The following RHBDF2 variants were observed in gnomAD, a reference collection of about 807,000 sequenced individuals.
RHBDF2 encodes inactive rhomboid protein 2.
RHBDF2 carries 38 observed loss-of-function variants against 95.2 expected under a neutral mutation model. That is an observed-to-expected ratio of 0.40 (90% CI 0.31 to 0.52). The LOEUF is 0.52. Ranked by LOEUF, RHBDF2 falls within the 20% of genes least tolerant of loss-of-function variation. The pLI is 0.56. For synonymous variants in RHBDF2, 442 were observed against 462.0 expected, an observed-to-expected ratio of 0.96 and a Z score of 0.55; for missense variants, 863 against 1,137.7, an observed-to-expected ratio of 0.76 and a Z score of 3.47.
chr17:76,491,507 C>T (rs1465182179), intron 1 of RHBDF2, among the ~76,000 whole-genome samples: 4 of 152,212 alleles, frequency 2.6e-5, no homozygotes, highest in African/African-American at 7.2e-5. Flanking sequence ...GCATGTCTTC[C>T]TGGGCAGGAG....
intron 1 of RHBDF2, among the ~76,000 whole-genome samples, chr17:76,495,186 C>T (rs904353619): frequency 2.0e-5 from 3 of 152,192 alleles, no homozygotes; most frequent in Non-Finnish European, 4.4e-5. Context: ...GGTGGTCCAG[C>T]ACAAGCCCAG....
At chr17:76,493,391 C>A (rs1460940629) in intron 1 of RHBDF2, among the ~76,000 whole-genome samples, 1 of 152,168 alleles carries the variant, frequency 6.6e-6, no homozygotes, top group African/African-American at 2.4e-5. Flanking sequence ...TGTTCTTACA[C>A]CTCCCCATGC....
In RHBDF2 at chr17:76,474,450, C is replaced by T. The variant is rs2073698574; in HGVS notation, c.1387G>A (p.Asp463Asn). The T allele has an allele frequency of 6.2e-6, 10 of 1,614,098 alleles. No homozygotes were observed. Among genetic ancestry groups the T allele is most frequent in the Non-Finnish European group, 8.5e-6 (10 of 1,179,998 alleles). ...QIEQLVLRERDLERDSGCCVQ... is the reference protein window; with the variant it reads ...QIEQLVLRERNLERDSGCCVQ... ...CAGCAGCCTGAGTCCCGCTCCAGGT[C>T]TCGCTCGCGCAGCACCAGCTGCTCG... The change falls in exon 12 of 19, where the codon GAC becomes AAC. Residue 463 changes from aspartate (D) to asparagine (N), a missense_variant. Asp to Asn is a conservative substitution (Grantham distance 23, BLOSUM62 1). Transcript: ENST00000675367.
chr17:76,472,550 G>T, intron 18 of RHBDF2, 136 bp downstream of exon 18: 1 of 1,133,400 alleles, frequency 8.8e-7, no homozygotes, highest in Non-Finnish European at 1.3e-6. Context: ...TAAGCCCCCA[G>T]ATTAGCTGTC....
chr17:76,480,477 C>CA (rs1305410886), intron 3 of RHBDF2, among the ~76,000 whole-genome samples: 2 of 151,842 alleles, frequency 1.3e-5, no homozygotes, highest in African/African-American at 4.8e-5. Context: ...CTCGACCTCC[C>CA]AGGCTCAAGC....
intron 1 of RHBDF2, among the ~76,000 whole-genome samples, chr17:76,489,599 A>T (rs2074246126): frequency 6.6e-6 from 1 of 152,198 alleles, no homozygotes. Context: ...CTGGGATTAC[A>T]GGCGTGAGCC....
At chr17:76,488,820 C>CAT (rs2074217030) in intron 1 of RHBDF2, among the ~76,000 whole-genome samples, 1 of 151,890 alleles carries the variant, frequency 6.6e-6, no homozygotes, top group Non-Finnish European at 1.5e-5. Context: ...TGGTGGCGGG[C>CAT]GCCTGTAATC....
intron 1 of RHBDF2, among the ~76,000 whole-genome samples, chr17:76,491,568 G>A (rs1454131353): frequency 4.6e-5 from 7 of 152,240 alleles, no homozygotes; most frequent in Non-Finnish European, 1.0e-4. Flanking sequence ...GGCCTGGGCA[G>A]CGGCCTGAGA....
chr17:76,485,999 G>C, intron 2 of RHBDF2, among the ~76,000 whole-genome samples: 1 of 151,900 alleles, frequency 6.6e-6, no homozygotes, highest in Non-Finnish European at 1.5e-5. Flanking sequence ...AAAGGGTGCA[G>C]GCTTTCTTTA....
At chr17:76,490,785 G>A (rs749571291) in intron 1 of RHBDF2, among the ~76,000 whole-genome samples, 11 of 152,100 alleles carry the variant, frequency 7.2e-5, no homozygotes, top group South Asian at 2.1e-4. Flanking sequence ...GAAGCGCTGC[G>A]CCTGGCACAC....
chr17:76,479,493 CCA>C (rs1220959037), intron 4 of RHBDF2: 5 of 779,546 alleles, frequency 6.4e-6, no homozygotes, highest in African/African-American at 3.4e-5. Context: ...CCAGGCACCC[CCA>C]CACTGATCCA....
chr17:76,478,802 G>A lies in RHBDF2; in HGVS notation c.672+4C>T, dbSNP rs1197101151. On this transcript the variant is annotated splice_donor_region_variant and intron_variant, in intron 6 of 18. Transcript: ENST00000675367. Reference sequence around the variant, plus strand: ...TGGGGGCCCTGCAGGAGGGAGCCCCGCACCTTGAGGAGGGCAGCGGCAGCT... The same window carrying A: ...TGGGGGCCCTGCAGGAGGGAGCCCCACACCTTGAGGAGGGCAGCGGCAGCT... 8.7e-6 allele frequency: 14 copies of A among 1,609,022 alleles called. No homozygotes were observed. Among genetic ancestry groups the A allele is most frequent in the South Asian group, 3.3e-5 (3 of 90,412 alleles).
rs886053468 is a variant in RHBDF2 at position 76,471,451 on chromosome 17, C to T, written c.*182G>A. 52 of 665,622 alleles carry T rather than the reference C, an allele frequency of 7.8e-5. No individual in the cohort carries two copies. The highest frequency in any genetic ancestry group is 9.9e-5 in the Non-Finnish European group (40 of 402,012). The allele number at this position is 665,622 out of a possible 1,614,324, so 41.2% of individuals were successfully genotyped here. On this transcript the variant is annotated 3_prime_UTR_variant, in exon 19 of 19. Coordinates refer to ENST00000675367, the MANE Select transcript of RHBDF2 (RefSeq NM_001005498.4). ...CAGGCCTCACGCCCCAGAAAAACCC[C>T]GCCTTAACCAACCATCTCACGCGGA...
In RHBDF2 at chr17:76,481,472, C is replaced by T. The variant is rs765203960; in HGVS notation, c.53G>A (p.Arg18His). The part of the protein sequence containing the change: ...GGSVSSVSSS[R>H]LQSRKPPNLS... ...GTTGGGTGGCTTCCGGCTCTGCAGGCGGCTGCTGGACACAGAGGACACGCT... is the reference window on the plus strand; with the variant it reads ...GTTGGGTGGCTTCCGGCTCTGCAGGTGGCTGCTGGACACAGAGGACACGCT... The change falls in exon 3 of 19, where the codon CGC (arginine) becomes CAC (histidine). Residue 18 changes from arginine to histidine, a missense_variant. Physicochemically the swap from Arg to His is conservative, Grantham distance 29. Transcript: ENST00000675367. 1.1e-5 allele frequency: 18 copies of T among 1,611,766 alleles called. No individual in the cohort carries two copies. The highest frequency in any genetic ancestry group is 2.7e-5 in the African/African-American group (2 of 74,856).
intron 6 of RHBDF2, among the ~76,000 whole-genome samples, 167 bp downstream of exon 6, chr17:76,478,639 G>C (rs2073847893): frequency 6.6e-6 from 1 of 152,168 alleles, no homozygotes. Flanking sequence ...TGGGTGCTGG[G>C]CTTCGGGGTC....
intron 18 of RHBDF2, chr17:76,472,409 C>T (rs2073609210): frequency 1.6e-5 from 9 of 573,742 alleles, no homozygotes; most frequent in Admixed American, 1.2e-4. Flanking sequence ...CATTTCCTAC[C>T]GCTCGACCTG....
At chr17:76,477,068 A>G in intron 8 of RHBDF2, 44 bp from the exon 9 acceptor site, 1 of 1,610,534 alleles carries the variant, frequency 6.2e-7, no homozygotes. Flanking sequence ...CCACCAAAAT[A>G]CTCCCAGACC....
chr17:76,488,879 C>T (rs955348289), intron 1 of RHBDF2, among the ~76,000 whole-genome samples: 12 of 151,762 alleles, frequency 7.9e-5, no homozygotes, highest in African/African-American at 2.9e-4. Context: ...ACATGGGAGG[C>T]GGAGGTTGCA....
chr17:76,474,366 C>T lies in RHBDF2; in HGVS notation c.1464+7G>A, dbSNP rs1444857759. ...TGGCAGGGGTAGGAGGGAGGGCCTG[C>T]CCCCACCGAGCAGTCCTTCCGCTGG... On this transcript the variant is annotated splice_region_variant and intron_variant, in intron 12 of 18. Coordinates refer to ENST00000675367, the MANE Select transcript of RHBDF2 (RefSeq NM_001005498.4). The T allele has an allele frequency of 6.2e-6, 10 of 1,610,906 alleles. No homozygotes were observed. The highest frequency in any genetic ancestry group is 5.5e-5 in the South Asian group (5 of 91,028).
Sources: gnomAD v4.1 joint callset for allele counts (sites outside exome capture counted in the v4.1 genomes callset) on GRCh38, gnomAD v4.1.1 for gene constraint, MANE v1.5 for transcripts, NCBI Gene and HGNC (gene_info 2026-07-23, HGNC 2026-07-21) for gene names.